Variants in SHTN1 observed in about 807,000 individuals in gnomAD.
SHTN1 encodes shootin 1.
Under a neutral mutation model 83.1 loss-of-function variants are expected in SHTN1, and 42 were observed. The observed-to-expected ratio is 0.51, with a 90% CI of 0.39 to 0.65. The LOEUF (loss-of-function observed/expected upper bound fraction) is 0.65, where lower values mean the gene tolerates loss of function less well. Among genes scored for constraint, SHTN1 ranks in the 30% least tolerant of loss-of-function variants. The probability of loss-of-function intolerance (pLI) is 0.00; values close to 1 mark genes in which losing one functional copy is unlikely to be tolerated. For missense variants in SHTN1, 622 were observed against 737.8 expected (o/e 0.84, Z 1.82); for synonymous variants, 224 against 247.7 (o/e 0.90, Z 0.90).
chr10:117,126,273 T>G (rs892587686), intron 1 of SHTN1: 1 of 157,980 alleles, frequency 6.3e-6, no homozygotes, highest in African/African-American at 2.4e-5. Context: ...GTCGGGGCCC[T>G]GCCGCTAAAA....
rs540831697 is a variant in SHTN1 at position 116,950,227 on chromosome 10, C to T, written c.535-1230G>A. Among the ~76,000 whole-genome samples the T allele has an allele frequency of 2.6e-5, 4 of 152,234 alleles. No homozygotes were observed. In the South Asian group the frequency reaches 8.3e-4, roughly 32 times the overall value. On this transcript the variant is annotated intron_variant, in intron 6 of 16. Transcript: ENST00000355371. ...TCACTCAGGCTGGAGGGTGGTAATA[C>T]GATCATAGCTCATTGCAGCCTGGAA...
chr10:116,903,439 C>T (rs1449127921), intron 15 of SHTN1, among the ~76,000 whole-genome samples: 1 of 151,948 alleles, frequency 6.6e-6, no homozygotes, highest in East Asian at 1.9e-4. Flanking sequence ...GCAAGAGAAT[C>T]GCTTGAACTC....
At chr10:117,075,044 T>C (rs1173213019) in intron 1 of SHTN1, among the ~76,000 whole-genome samples, 2 of 152,188 alleles carry the variant, frequency 1.3e-5, no homozygotes, top group Admixed American at 1.3e-4. Flanking sequence ...ACAATACAGA[T>C]ATAAATAACT....
At chr10:116,930,354 TGATA>T (rs1207228215) in intron 9 of SHTN1, among the ~76,000 whole-genome samples, 2 of 152,192 alleles carry the variant, frequency 1.3e-5, no homozygotes, top group Non-Finnish European at 2.9e-5. Context: ...GAATAGTACC[TGATA>T]GATACTTTTT....
At chr10:116,898,564 C>A (rs915442547) in intron 16 of SHTN1, among the ~76,000 whole-genome samples, 2 of 151,994 alleles carry the variant, frequency 1.3e-5, no homozygotes, top group African/African-American at 2.4e-5. Flanking sequence ...TATAACCAAT[C>A]GGAATTCATA....
intron 1 of SHTN1, among the ~76,000 whole-genome samples, chr10:117,000,167 G>T (rs1851775375): frequency 6.6e-6 from 1 of 152,106 alleles, no homozygotes; most frequent in African/African-American, 2.4e-5. Context: ...TGAAAACAAG[G>T]CAACATTTAA....
At chr10:116,943,120 C>A (rs2133402165) in intron 8 of SHTN1, among the ~76,000 whole-genome samples, 1 of 152,248 alleles carries the variant, frequency 6.6e-6, no homozygotes, top group Non-Finnish European at 1.5e-5. Flanking sequence ...ACGTAAGTAC[C>A]ATTGCTCTTG....
At chr10:116,926,051 C>T (rs1848733771) in intron 11 of SHTN1, among the ~76,000 whole-genome samples, 1 of 151,834 alleles carries the variant, frequency 6.6e-6, no homozygotes, top group Non-Finnish European at 1.5e-5. Flanking sequence ...TATTTAAATT[C>T]ATCTTAAAAT....
At chr10:117,049,386 A>C (rs529907709) in intron 1 of SHTN1, among the ~76,000 whole-genome samples, 4 of 152,312 alleles carry the variant, frequency 2.6e-5, no homozygotes, top group African/African-American at 7.2e-5. Flanking sequence ...CAACAAAAAA[A>C]ACAAAAAACC....
intron 1 of SHTN1, among the ~76,000 whole-genome samples, chr10:117,076,607 G>T (rs1853158475): frequency 6.6e-6 from 1 of 152,120 alleles, no homozygotes. Context: ...TGCATATTTA[G>T]CTGCACTGGA....
chr10:117,064,398 G>A (rs1346636957), intron 1 of SHTN1, among the ~76,000 whole-genome samples: 2 of 152,206 alleles, frequency 1.3e-5, no homozygotes, highest in Non-Finnish European at 2.9e-5. Context: ...GTTCATGCCC[G>A]TAATCCCGGC....
At chr10:116,914,450 G>A (rs555372035) in intron 13 of SHTN1, among the ~76,000 whole-genome samples, 5 of 151,126 alleles carry the variant, frequency 3.3e-5, no homozygotes, top group East Asian at 1.9e-4. Context: ...CTAGCCTGGC[G>A]ACAGAGTAAG....
chr10:117,078,767 A>C (rs567067102), intron 1 of SHTN1, among the ~76,000 whole-genome samples: 1 of 152,192 alleles, frequency 6.6e-6, no homozygotes, highest in African/African-American at 2.4e-5. Context: ...GTAGGTAAAT[A>C]TAAATAAATT....
chr10:116,905,099 G>C (rs1461591730), intron 15 of SHTN1, among the ~76,000 whole-genome samples: 1 of 151,630 alleles, frequency 6.6e-6, no homozygotes, highest in Non-Finnish European at 1.5e-5. Context: ...TACTGGGGAG[G>C]CTGAGGCAGG....
intron 6 of SHTN1, among the ~76,000 whole-genome samples, chr10:116,951,336 T>A (rs572623334): frequency 6.6e-6 from 1 of 152,036 alleles, no homozygotes; most frequent in Admixed American, 6.5e-5. Context: ...GGCAGGAGGA[T>A]CATTTGAGCC....
At chr10:116,916,160 T>C (rs1848375937) in intron 12 of SHTN1, among the ~76,000 whole-genome samples, 1 of 152,180 alleles carries the variant, frequency 6.6e-6, no homozygotes, top group Non-Finnish European at 1.5e-5. Context: ...CTATCTATTG[T>C]TTAACGTTGC....
At chr10:117,035,448 T>C (rs1852480797) in intron 2 of SHTN1, among the ~76,000 whole-genome samples, 1 of 152,066 alleles carries the variant, frequency 6.6e-6, no homozygotes, top group Admixed American at 6.6e-5. Flanking sequence ...AGTAATATCC[T>C]ATAAACACAG....
At chr10:117,095,732 T>A (rs1421282899) in intron 1 of SHTN1, among the ~76,000 whole-genome samples, 2 of 152,234 alleles carry the variant, frequency 1.3e-5, no homozygotes, top group Admixed American at 1.3e-4. Context: ...TTTATGATCA[T>A]CATCATTCTT....
At chr10:116,900,466 A>C in intron 16 of SHTN1, 1 of 1,333,684 alleles carries the variant, frequency 7.5e-7, no homozygotes, top group Non-Finnish European at 1.0e-6. Context: ...TGGAAATGTA[A>C]TTTCCACTTA....
Sources: allele counts gnomAD v4.1 joint callset (sites outside exome capture counted in the v4.1 genomes callset), GRCh38; gene constraint gnomAD v4.1.1; transcripts MANE v1.5; gene names NCBI Gene and HGNC (gene_info 2026-07-23, HGNC 2026-07-21).